The following SV2C variants were observed in gnomAD, a reference collection of about 807,000 sequenced individuals.
SV2C encodes the protein synaptic vesicle glycoprotein 2C.
A neutral mutation model predicts 79.7 loss-of-function variants in SV2C; 49 were observed. The ratio of observed to expected loss-of-function variants is 0.61; its 90% CI spans 0.49 to 0.78. The LOEUF is 0.78. Ranked by LOEUF, SV2C falls within the 30% of genes least tolerant of loss-of-function variation. The pLI is 0.00. For missense variants in SV2C, 833 were observed against 912.9 expected, an observed-to-expected ratio of 0.91 and a Z score of 1.13; for synonymous variants, 334 against 333.2, an observed-to-expected ratio of 1.00 and a Z score of -0.03.
intron 12 of SV2C, among the ~76,000 whole-genome samples, chr5:76,315,241 C>G (rs1748580787): frequency 6.6e-6 from 1 of 151,418 alleles, no homozygotes; most frequent in Non-Finnish European, 1.5e-5. Context: ...TAGGGTAAGA[C>G]AGATTTTTAT....
chr5:76,195,002 C>T lies in SV2C; in HGVS notation c.664C>T (p.Leu222=), dbSNP rs1405172179. ...CAAAGTGGGAAGGAAACAGTCTCTT[C>T]TGATTTGCATGTCTGTCAACGGATT... ...ADKVGRKQSL[L]ICMSVNGFFA... The change falls in exon 3 of 13, where the codon CTG becomes TTG. Residue 222 remains leucine, a synonymous_variant. Coordinates refer to ENST00000502798, the MANE Select transcript of SV2C (RefSeq NM_014979.4). 1.2e-6 allele frequency: 2 copies of T among 1,613,924 alleles called. No homozygotes were observed. The highest frequency in any genetic ancestry group is 2.7e-5 in the African/African-American group (2 of 74,926).
chr5:75,884,563 A>G, the SV2C span, among the ~76,000 whole-genome samples: 1 of 152,120 alleles, frequency 6.6e-6, no homozygotes, highest in East Asian at 1.9e-4. Flanking sequence ...ACAATGTAAA[A>G]CTGGGTTGAT....
exon 13 of SV2C, chr5:76,353,161 T>C (rs1348114260): frequency 4.5e-6 from 2 of 448,920 alleles, no homozygotes; most frequent in Admixed American, 2.4e-5. Flanking sequence ...CCCCGGCTGA[T>C]CTTGAACTCC....
chr5:75,877,240 TATG>T, the SV2C span, among the ~76,000 whole-genome samples: 2 of 152,066 alleles, frequency 1.3e-5, no homozygotes, highest in Non-Finnish European at 2.9e-5. Flanking sequence ...ATCAGCAATA[TATG>T]ATAATTATAA....
the SV2C span, among the ~76,000 whole-genome samples, chr5:75,948,554 G>C: frequency 3.3e-5 from 5 of 151,962 alleles, no homozygotes; most frequent in Admixed American, 1.3e-4. Flanking sequence ...TAAAGAAATA[G>C]AGTGAAAGTC....
At chr5:76,134,767 T>A (rs1303664973) in intron 2 of SV2C, among the ~76,000 whole-genome samples, 1 of 152,190 alleles carries the variant, frequency 6.6e-6, no homozygotes, top group African/African-American at 2.4e-5. Flanking sequence ...GAGTAAATAT[T>A]TAATTATCTA....
the SV2C span, among the ~76,000 whole-genome samples, chr5:75,898,846 T>C: frequency 6.6e-6 from 1 of 152,252 alleles, no homozygotes. Flanking sequence ...ATTTTCTAGT[T>C]GATTTGCGTA....
chr5:76,008,221 A>G, the SV2C span, among the ~76,000 whole-genome samples: 1 of 152,152 alleles, frequency 6.6e-6, no homozygotes, highest in Non-Finnish European at 1.5e-5. Flanking sequence ...CTTCAGGGGG[A>G]AGTCATAAAG....
chr5:75,924,309 C>T, the SV2C span, among the ~76,000 whole-genome samples: 1 of 152,108 alleles, frequency 6.6e-6, no homozygotes, highest in Admixed American at 6.5e-5. Flanking sequence ...GTGCAGTGTA[C>T]ACTGCTCATG....
At chr5:76,242,361 G>A (rs546801711) in intron 4 of SV2C, 2 of 1,172,028 alleles carry the variant, frequency 1.7e-6, no homozygotes, top group Admixed American at 1.9e-5. Flanking sequence ...CGCGGGCTTT[G>A]GTCGGACCGG....
chr5:76,290,652 G>A (rs1747531560), intron 6 of SV2C, among the ~76,000 whole-genome samples: 1 of 152,010 alleles, frequency 6.6e-6, no homozygotes. Flanking sequence ...GTTGATGCTT[G>A]CAGTCAAAAA....
the SV2C span, among the ~76,000 whole-genome samples, chr5:75,948,528 G>A: frequency 1.0e-3 from 158 of 152,074 alleles, no homozygotes; most frequent in African/African-American, 3.6e-3. Flanking sequence ...GTGCCATGAG[G>A]AGAAACAAAG....
chr5:75,934,790 A>C, the SV2C span, among the ~76,000 whole-genome samples: 1 of 152,068 alleles, frequency 6.6e-6, no homozygotes, highest in Non-Finnish European at 1.5e-5. Flanking sequence ...TTGCACTTAT[A>C]ATCTCTCCTC....
chr5:76,337,382 C>T (rs904824920), downstream of SV2C, among the ~76,000 whole-genome samples: 6 of 152,162 alleles, frequency 3.9e-5, no homozygotes, highest in Non-Finnish European at 8.8e-5. Flanking sequence ...TTCTTTTCAA[C>T]TCGAATACCT....
intron 3 of SV2C, among the ~76,000 whole-genome samples, chr5:76,202,295 A>G (rs549808063): frequency 1.3e-5 from 2 of 152,154 alleles, no homozygotes; most frequent in Non-Finnish European, 2.9e-5. Flanking sequence ...GTAAATATTG[A>G]CTCTCATCAG....
chr5:76,093,106 A>G (rs1459606507), intron 1 of SV2C, among the ~76,000 whole-genome samples: 1 of 152,174 alleles, frequency 6.6e-6, no homozygotes, highest in African/African-American at 2.4e-5. Flanking sequence ...ATATTTAATA[A>G]GGGTATAGCT....
intron 12 of SV2C, among the ~76,000 whole-genome samples, chr5:76,351,952 C>T (rs1038868725): frequency 1.3e-5 from 2 of 152,208 alleles, no homozygotes; most frequent in Admixed American, 6.5e-5. Context: ...GTGGCTCACG[C>T]CTGTAATCTC....
intron 4 of SV2C, among the ~76,000 whole-genome samples, chr5:76,269,643 G>A (rs1012222162): frequency 5.3e-5 from 8 of 152,320 alleles, no homozygotes; most frequent in Middle Eastern, 3.4e-3. Context: ...GTGGGTGTGA[G>A]GAGATAGAAA....
the SV2C span, among the ~76,000 whole-genome samples, chr5:76,000,227 C>A: frequency 6.6e-6 from 1 of 152,090 alleles, no homozygotes; most frequent in Non-Finnish European, 1.5e-5. Context: ...CTTCAACCAG[C>A]AAAGTTTCTA....
Sources: allele counts gnomAD v4.1 joint callset (sites outside exome capture counted in the v4.1 genomes callset), GRCh38; gene constraint gnomAD v4.1.1; transcripts MANE v1.5; gene names NCBI Gene and HGNC (gene_info 2026-07-23, HGNC 2026-07-21).